Variants in HECW2 observed in about 807,000 individuals in gnomAD.
HECW2 encodes the protein HECT, C2 and WW domain containing E3 ubiquitin protein ligase 2, also known as E3 ubiquitin-protein ligase HECW2.
A neutral mutation model predicts 175.2 loss-of-function variants in HECW2; 61 were observed. The ratio of observed to expected loss-of-function variants is 0.35; its 90% CI spans 0.28 to 0.43. The LOEUF is 0.43. Ranked by LOEUF, HECW2 falls within the 20% of genes least tolerant of loss-of-function variation. HECW2 has a pLI of 1.00. For synonymous variants in HECW2, 671 were observed against 731.0 expected, an observed-to-expected ratio of 0.92 and a Z score of 1.32; for missense variants, 1,524 against 2,000.5, an observed-to-expected ratio of 0.76 and a Z score of 4.54.
intron 18 of HECW2, among the ~76,000 whole-genome samples, chr2:196,255,789 AG>A (rs1395104631): frequency 1.3e-5 from 2 of 152,200 alleles, no homozygotes; most frequent in Non-Finnish European, 2.9e-5. Flanking sequence ...TAAAAAATAA[AG>A]GGCTGAGCGC....
At chr2:196,553,440 G>C (rs1689669638) in intron 1 of HECW2, among the ~76,000 whole-genome samples, 1 of 152,190 alleles carries the variant, frequency 6.6e-6, no homozygotes, top group Non-Finnish European at 1.5e-5. Flanking sequence ...GCACACAGTA[G>C]AGAATAAAAC....
In HECW2 at chr2:196,522,420, C is replaced by T. The variant is rs907512280; in HGVS notation, c.-36+71088G>A. Among the ~76,000 whole-genome samples, 161 of 152,272 alleles carry T rather than the reference C, an allele frequency of 1.1e-3. 2 individuals carry two copies. The highest frequency in any genetic ancestry group is 4.0e-3 in the Admixed American group (61 of 15,298). The stretch of plus-strand genomic sequence containing the variant: ...TAGGTTGCGAAAACTTTCTCCCATT[C>T]TGTAGGTTGCCTGTTCACTCTGATG... On this transcript the variant is annotated intron_variant, in intron 1 of 28. Transcript: ENST00000644978.
At chr2:196,252,437 G>A (rs1292236533) in intron 19 of HECW2, among the ~76,000 whole-genome samples, 2 of 151,978 alleles carry the variant, frequency 1.3e-5, no homozygotes, top group East Asian at 1.9e-4. Flanking sequence ...CCTTGTGGGG[G>A]GTGTTTGGAT....
At position 196,376,635 on chromosome 2, in the gene HECW2, T is replaced by TAA. The variant is rs33989452; in HGVS notation, c.293-32873_293-32872dup. On this transcript the variant is annotated intron_variant, in intron 2 of 28. Coordinates refer to ENST00000644978, the MANE Select transcript of HECW2 (RefSeq NM_001348768.2). ...TGGGCAACAGAGCAAGACTCTGTCATAAAAAAAAAAAAAAGGGCCGGGCAT... is the reference window on the plus strand; with the variant it reads ...TGGGCAACAGAGCAAGACTCTGTCATAAAAAAAAAAAAAAAAGGGCCGGGCAT... 2.2e-3 allele frequency among the ~76,000 whole-genome samples: 289 copies of TAA among 133,126 alleles called. 1 individual carries two copies. Among genetic ancestry groups the TAA allele is most frequent in the African/African-American group, 8.3e-3 (270 of 32,624 alleles). The allele number at this position is 133,126 out of a possible 152,430, so 87.3% of individuals were successfully genotyped here.
chr2:196,312,021 TCA>T (rs1191255638), intron 10 of HECW2, among the ~76,000 whole-genome samples: 1 of 152,162 alleles, frequency 6.6e-6, no homozygotes, highest in Non-Finnish European at 1.5e-5. Flanking sequence ...CGTAAGGTCT[TCA>T]GAGTTTACAG....
chr2:196,457,447 A>G (rs1169543025), intron 1 of HECW2, among the ~76,000 whole-genome samples: 1 of 152,232 alleles, frequency 6.6e-6, no homozygotes, highest in African/African-American at 2.4e-5. Context: ...CATGTTGTTC[A>G]ATATTTTAGC....
intron 2 of HECW2, among the ~76,000 whole-genome samples, chr2:196,357,903 A>G (rs1693436213): frequency 6.6e-6 from 1 of 152,226 alleles, no homozygotes; most frequent in Non-Finnish European, 1.5e-5. Context: ...TGAGTCAATT[A>G]AATCTCTTTT....
chr2:196,451,460 G>A (rs1696346169), intron 1 of HECW2, among the ~76,000 whole-genome samples: 1 of 149,758 alleles, frequency 6.7e-6, no homozygotes, highest in South Asian at 2.1e-4. Flanking sequence ...GAAAAGAAAT[G>A]TGGGGTAAAG....
At position 196,255,495 on chromosome 2, in the gene HECW2, A is replaced by G. The variant is rs192261848; in HGVS notation, c.3420-1466T>C. 3.6e-3 allele frequency among the ~76,000 whole-genome samples: 555 copies of G among 152,336 alleles called. 2 individuals are homozygous for G. Among genetic ancestry groups the G allele is most frequent in the South Asian group, 4.6e-3 (22 of 4,828 alleles). ...AAAGATACATGAAACACAAAAATCA[A>G]TAACAAATTAAACAAGGTCATTTAA... On this transcript the variant is annotated intron_variant, in intron 18 of 28. Transcript: ENST00000644978.
chr2:196,287,102 G>A (rs1256370863), intron 14 of HECW2, among the ~76,000 whole-genome samples: 2 of 152,172 alleles, frequency 1.3e-5, no homozygotes, highest in Non-Finnish European at 2.9e-5. Context: ...TATTTGTTCT[G>A]TTCTAAAATC....
chr2:196,469,926 A>G lies in HECW2; in HGVS notation c.-35-36468T>C, dbSNP rs147390744. On this transcript the variant is annotated intron_variant, in intron 1 of 28. Coordinates refer to ENST00000644978, the MANE Select transcript of HECW2 (RefSeq NM_001348768.2). ...TTTTTTTACAATGAATCCAAAAAAA[A>G]TTCAAGTTCACCTTACAAGAATTTC... Among the ~76,000 whole-genome samples the G allele has an allele frequency of 8.4e-3, 1,280 of 152,176 alleles. 17 individuals carry two copies. Among genetic ancestry groups the G allele is most frequent in the African/African-American group, 0.029 (1,212 of 41,572 alleles).
intron 2 of HECW2, among the ~76,000 whole-genome samples, chr2:196,347,007 C>CA (rs200981726): frequency 0.23 from 30,174 of 129,734 alleles, 3,857 homozygotes; most frequent in African/African-American, 0.38. Context: ...GACTCCGTCT[C>CA]AAAAAAAAAA....
intron 2 of HECW2, among the ~76,000 whole-genome samples, chr2:196,379,735 T>TCAC (rs1694156592): frequency 2.0e-5 from 3 of 150,480 alleles, no homozygotes; most frequent in Middle Eastern, 3.4e-3. Flanking sequence ...AGGACTTTCC[T>TCAC]AAATATGTGC....
chr2:196,501,055 T>C (rs1304979632), intron 1 of HECW2, among the ~76,000 whole-genome samples: 3 of 152,228 alleles, frequency 2.0e-5, no homozygotes, highest in Admixed American at 2.0e-4. Flanking sequence ...ATTGAAGTAA[T>C]AATAACAGAA....
intron 15 of HECW2, 123 bp downstream of exon 15, chr2:196,278,405 A>G: frequency 3.7e-6 from 4 of 1,071,358 alleles, no homozygotes; most frequent in Non-Finnish European, 5.2e-6. Context: ...TTCAGCCTCT[A>G]AATCAAACTC....
intron 1 of HECW2, among the ~76,000 whole-genome samples, chr2:196,463,434 A>G (rs1176881062): frequency 6.6e-6 from 1 of 151,798 alleles, no homozygotes; most frequent in East Asian, 1.9e-4. Flanking sequence ...AGAAAGAAAA[A>G]GGAAAAAGAA....
chr2:196,521,304 A>AAAAAAAAAAAAAAAAAAAAT (rs1553531650), intron 1 of HECW2, among the ~76,000 whole-genome samples: 1 of 148,172 alleles, frequency 6.7e-6, no homozygotes, highest in Non-Finnish European at 1.5e-5. Flanking sequence ...AAAAAAAAAA[A>AAAAAAAAAAAAAAAAAAAAT]AAAGAAAGAA....
intron 5 of HECW2, among the ~76,000 whole-genome samples, chr2:196,325,494 A>G (rs1384081348): frequency 6.6e-6 from 1 of 152,082 alleles, no homozygotes; most frequent in African/African-American, 2.4e-5. Flanking sequence ...TTTCCTGGGA[A>G]CTCTTTTGAT....
intron 4 of HECW2, among the ~76,000 whole-genome samples, chr2:196,334,027 C>T (rs1184906191): frequency 2.6e-5 from 4 of 152,286 alleles, no homozygotes; most frequent in African/African-American, 7.2e-5. Flanking sequence ...TTCCGAGCAA[C>T]GGCTCCTTAA....
Sources: gnomAD v4.1 joint callset for allele counts (sites outside exome capture counted in the v4.1 genomes callset) on GRCh38, gnomAD v4.1.1 for gene constraint, MANE v1.5 for transcripts, NCBI Gene and HGNC (gene_info 2026-07-23, HGNC 2026-07-21) for gene names.